Variants in PTPDC1 observed in about 807,000 individuals in gnomAD.
PTPDC1 encodes the protein protein tyrosine phosphatase domain containing 1, also known as protein tyrosine phosphatase domain-containing protein 1.
PTPDC1 carries 53 observed loss-of-function variants against 75.3 expected under a neutral mutation model. That is an observed-to-expected ratio of 0.70 (90% confidence interval 0.56 to 0.88). The LOEUF is 0.88. PTPDC1 is among the 40% of genes least tolerant of loss of function. The pLI is 0.00. For synonymous variants in PTPDC1, 349 were observed against 366.2 expected, an observed-to-expected ratio of 0.95 and a Z score of 0.54; for missense variants, 925 against 998.6, an observed-to-expected ratio of 0.93 and a Z score of 0.99.
chr9:94,066,295 T>A (rs1826303707), intron 2 of PTPDC1, among the ~76,000 whole-genome samples: 1 of 152,198 alleles, frequency 6.6e-6, no homozygotes, highest in African/African-American at 2.4e-5. Flanking sequence ...AATTTTTAAT[T>A]AGGAAAAAAT....
chr9:94,102,227 A>G (rs1254365325), intron 7 of PTPDC1, among the ~76,000 whole-genome samples: 1 of 152,108 alleles, frequency 6.6e-6, no homozygotes, highest in Non-Finnish European at 1.5e-5. Flanking sequence ...TGCATATGGG[A>G]AAAATTATGA....
chr9:94,098,341 T>C lies in PTPDC1; in HGVS notation c.1775T>C (p.Val592Ala). Residue 592 changes from valine to alanine, a missense_variant, in exon 6 of 9, where the codon GTC becomes GCC. Transcript: ENST00000620992. The part of the protein sequence containing the change: ...KTHGVGSPGS[V>A]RQNSRTPRSP... ...CATGGTGTTGGGAGCCCTGGCTCTG[T>C]CAGGCAGAACAGCAGGACACCCCGA... The C allele has an allele frequency of 6.2e-7, 1 of 1,614,204 alleles. No homozygotes were observed. Among genetic ancestry groups the C allele is most frequent in the Non-Finnish European group, 8.5e-7 (1 of 1,180,038 alleles).
At chr9:94,092,064 T>G (rs1827345894) in intron 4 of PTPDC1, among the ~76,000 whole-genome samples, 1 of 150,736 alleles carries the variant, frequency 6.6e-6, no homozygotes, top group Admixed American at 6.6e-5. Flanking sequence ...ATTGAAGGGT[T>G]TTTTGTGTCT....
chr9:94,050,850 C>T (rs1391277331), intron 1 of PTPDC1, among the ~76,000 whole-genome samples: 1 of 152,230 alleles, frequency 6.6e-6, no homozygotes, highest in Non-Finnish European at 1.5e-5. Flanking sequence ...TTGAGCTGCA[C>T]TGGGCTCCAC....
At position 94,088,202 on chromosome 9, in the gene PTPDC1, GA is replaced by G; in HGVS notation, c.557del (p.Asn186ThrfsTer33). ...QRPGEHASCGNPLEQESGFTY... is the reference protein window; with the variant it reads ...QRPGEHASCGXPLEQESGFTY... The stretch of plus-strand genomic sequence containing the variant: ...GCCCTGGTGAGCATGCTAGCTGTGG[GA>G]ACCCTCTGGAACAAGAAAGTGGCTT... On this transcript the variant is annotated frameshift_variant, in exon 4 of 9. Coordinates refer to ENST00000620992, the MANE Select transcript of PTPDC1 (RefSeq NM_001253829.2). LOFTEE classifies it high-confidence loss of function. 6.2e-7 allele frequency: 1 copy of G among 1,613,860 alleles called. No individual in the cohort carries two copies. Among genetic ancestry groups the G allele is most frequent in the Non-Finnish European group, 8.5e-7 (1 of 1,179,952 alleles).
chr9:94,071,800 T>A (rs1299026812), intron 2 of PTPDC1, among the ~76,000 whole-genome samples: 1 of 152,248 alleles, frequency 6.6e-6, no homozygotes, highest in Non-Finnish European at 1.5e-5. Flanking sequence ...GGGATTTTTA[T>A]AAGAATTAAA....
At chr9:94,091,709 G>A (rs1284066541) in intron 4 of PTPDC1, among the ~76,000 whole-genome samples, 2 of 152,104 alleles carry the variant, frequency 1.3e-5, no homozygotes, top group Non-Finnish European at 2.9e-5. Flanking sequence ...AATCCATCTG[G>A]TCCTGTACTC....
intron 1 of PTPDC1, among the ~76,000 whole-genome samples, chr9:94,052,900 G>T (rs916781792): frequency 3.3e-5 from 5 of 152,138 alleles, no homozygotes; most frequent in Non-Finnish European, 7.4e-5. Context: ...ATTTGAGGTT[G>T]ATTGAACCTA....
In PTPDC1 at chr9:94,095,418, G is replaced by C; in HGVS notation, c.718G>C (p.Val240Leu). 6.2e-7 allele frequency: 1 copy of C among 1,613,932 alleles called. No individual in the cohort carries two copies. The highest frequency in any genetic ancestry group is 8.5e-7 in the Non-Finnish European group (1 of 1,179,864). Residue 240 changes from valine (V) to leucine (L), a missense_variant, in exon 5 of 9, where the codon GTA (valine) becomes CTA (leucine). By Grantham distance (32) the Val-to-Leu change is conservative (BLOSUM62 1). Transcript: ENST00000620992. Reference sequence around the variant, plus strand: ...GACATTTGCCTTACAGGAAGGAAAAGTAGCTATCCATTGTCATGCAGGGCT... The same window carrying C: ...GACATTTGCCTTACAGGAAGGAAAACTAGCTATCCATTGTCATGCAGGGCT... Reference protein sequence around the residue: ...VMTFALQEGKVAIHCHAGLGR... With the variant: ...VMTFALQEGKLAIHCHAGLGR...
upstream of PTPDC1, among the ~76,000 whole-genome samples, chr9:94,080,524 T>C (rs1488249852): frequency 6.6e-6 from 1 of 152,226 alleles, no homozygotes; most frequent in Non-Finnish European, 1.5e-5. Context: ...AGTAACACTC[T>C]AATGGCAATG....
In PTPDC1 at chr9:94,085,350, G is replaced by A; in HGVS notation, c.344G>A (p.Arg115Lys). The A allele has an allele frequency of 6.2e-7, 1 of 1,614,232 alleles. No individual in the cohort carries two copies. Among genetic ancestry groups the A allele is most frequent in the African/African-American group, 1.3e-5 (1 of 75,046 alleles). ...HMACSMACGG[R>K]ACKYENPARW... The stretch of plus-strand genomic sequence containing the variant: ...GCATGTTCCATGGCGTGTGGCGGTA[G>A]AGCTTGCAAGTATGAGAACCCAGCC... Residue 115 changes from arginine (R) to lysine (K), a missense_variant, in exon 2 of 9, where the codon AGA (arginine) becomes AAA (lysine). By Grantham distance (26) the Arg-to-Lys change is conservative (BLOSUM62 2). Coordinates refer to ENST00000620992, the MANE Select transcript of PTPDC1 (RefSeq NM_001253829.2).
intron 1 of PTPDC1, among the ~76,000 whole-genome samples, chr9:94,036,510 G>T (rs956393615): frequency 6.6e-6 from 1 of 151,936 alleles, no homozygotes; most frequent in East Asian, 1.9e-4. Context: ...TATATGCGTG[G>T]GTTTATTTAG....
intron 5 of PTPDC1, among the ~76,000 whole-genome samples, chr9:94,095,779 T>C (rs767660966): frequency 6.6e-6 from 1 of 152,196 alleles, no homozygotes; most frequent in Non-Finnish European, 1.5e-5. Flanking sequence ...CCCATAGATA[T>C]GTATAATTAT....
chr9:94,096,921 C>CT (rs1409054810), intron 5 of PTPDC1, among the ~76,000 whole-genome samples: 1 of 152,160 alleles, frequency 6.6e-6, no homozygotes, highest in East Asian at 1.9e-4. Flanking sequence ...TTCTCAAGAA[C>CT]TGTTCAGAGT....
chr9:94,078,847 T>C (rs561300275), intron 2 of PTPDC1, among the ~76,000 whole-genome samples: 1 of 152,346 alleles, frequency 6.6e-6, no homozygotes, highest in South Asian at 2.1e-4. Flanking sequence ...CATCTCTTTA[T>C]TGGTATTCTG....
chr9:94,095,334 G>A lies in PTPDC1; in HGVS notation c.634G>A (p.Gly212Arg), dbSNP rs752813011. 33 of 1,602,204 alleles carry A rather than the reference G, an allele frequency of 2.1e-5. No homozygotes were observed. The highest frequency in any genetic ancestry group is 1.6e-4 in the Admixed American group (9 of 57,428). The change falls in exon 5 of 9, where the codon GGA becomes AGA. Residue 212 changes from glycine to arginine, a missense_variant. Coordinates refer to ENST00000620992, the MANE Select transcript of PTPDC1 (RefSeq NM_001253829.2). The part of the protein sequence containing the change: ...MEAGIYFYNF[G>R]WKDYGVASLT... ...TTTCCTAGTTTACTTCTACAATTTC[G>A]GATGGAAGGATTATGGTGTAGCGTC...
intron 1 of PTPDC1, among the ~76,000 whole-genome samples, chr9:94,038,628 G>T (rs1359930447): frequency 6.6e-6 from 1 of 152,138 alleles, no homozygotes; most frequent in Non-Finnish European, 1.5e-5. Flanking sequence ...TCACAAAGAT[G>T]GTGAGTGCCA....
At chr9:94,061,486 C>G (rs372037022) in intron 1 of PTPDC1, among the ~76,000 whole-genome samples, 3 of 152,362 alleles carry the variant, frequency 2.0e-5, no homozygotes, top group African/African-American at 7.2e-5. Context: ...CATTTCCCCT[C>G]TGTGCTGCCC....
chr9:94,101,283 G>A lies in PTPDC1; in HGVS notation c.2014-283G>A, dbSNP rs530201768. ...TGGATTAACTAAGCCCTTTCCCTGT[G>A]CTATAAGCTTTAACCGACCTTATCT... On this transcript the variant is annotated intron_variant, in intron 6 of 8. Coordinates refer to ENST00000620992, the MANE Select transcript of PTPDC1 (RefSeq NM_001253829.2). The A allele has an allele frequency of 3.9e-5, 11 of 281,472 alleles. No individual in the cohort carries two copies. The South Asian group carries it at 1.3e-3, about 33-fold the overall frequency. 17.4% of individuals were successfully genotyped at this position (281,472 alleles called of 1,614,324 possible). A position where few individuals can be genotyped will look rare whatever the true frequency, so the allele number is the denominator to read the frequency against.
Sources: allele counts gnomAD v4.1 joint callset (sites outside exome capture counted in the v4.1 genomes callset), GRCh38; gene constraint gnomAD v4.1.1; transcripts MANE v1.5; gene names NCBI Gene and HGNC (gene_info 2026-07-23, HGNC 2026-07-21).